CSF2RA: variants seen among roughly 807,000 people sequenced by gnomAD.
CSF2RA encodes the protein colony stimulating factor 2 receptor subunit alpha.
A neutral mutation model predicts 51.6 loss-of-function variants in CSF2RA; 42 were observed. That is an observed-to-expected ratio of 0.81 (90% CI 0.64 to 1.05). The LOEUF is 1.05. Ranked by LOEUF, CSF2RA falls within the 50% of genes least tolerant of loss-of-function variation. CSF2RA has a pLI of 0.00. For missense variants in CSF2RA, 530 were observed against 501.1 expected, an observed-to-expected ratio of 1.06 and a Z score of -0.55; for synonymous variants, 222 against 193.0, an observed-to-expected ratio of 1.15 and a Z score of -1.24.
intron 2 of CSF2RA, 63 bp from the exon 3 acceptor site, chrX:1,282,615 C>T (rs771552440): frequency 1.7e-6 from 2 of 1,205,584 alleles, no homozygotes; most frequent in Admixed American, 1.7e-5. Context: ...TCCCTGGGGT[C>T]CCCTGCCAGG....
rs767398156 is a variant in CSF2RA at position 1,294,475 on chromosome X, C to T, written c.780+14C>T. On this transcript the variant is annotated intron_variant, in intron 8 of 12. Coordinates refer to ENST00000381529, the MANE Select transcript of CSF2RA (RefSeq NM_172245.4). ...GTCCACAGAAAGGTCGGTGAGAGCT[C>T]CCCGGGGCTGGGCACCAGGAGGGAG... 8.1e-6 allele frequency: 13 copies of T among 1,608,346 alleles called. No individual in the cohort carries two copies. In the Admixed American group the frequency reaches 1.0e-4, roughly 12 times the overall value.
downstream of CSF2RA, among the ~76,000 whole-genome samples, chrX:1,314,908 C>G (rs1357683712): frequency 2.1e-3 from 145 of 69,374 alleles, 13 homozygotes; most frequent in African/African-American, 8.0e-3. Flanking sequence ...CTGCTCAACC[C>G]CACTTCACCT....
At chrX:1,287,545 G>A (rs1461656115) in intron 4 of CSF2RA, among the ~76,000 whole-genome samples, 1 of 149,794 alleles carries the variant, frequency 6.7e-6, no homozygotes, top group Non-Finnish European at 1.5e-5. Flanking sequence ...CTGGGTTCAA[G>A]AGATTCTCCT....
At chrX:1,288,989 T>C in intron 6 of CSF2RA, 101 bp downstream of exon 6, 3 of 1,518,916 alleles carry the variant, frequency 2.0e-6, no homozygotes, top group Non-Finnish European at 1.8e-6. Context: ...TAAGACATGG[T>C]CTTGCTCTGT....
At chrX:1,314,889 A>ACTGCACCTGCCCAATCC (rs2084474784), downstream of CSF2RA, among the ~76,000 whole-genome samples, 2 of 17,450 alleles carry the variant, frequency 1.1e-4, no homozygotes, top group Non-Finnish European at 2.7e-4. Flanking sequence ...CTGCCCAACC[A>ACTGCACCTGCCCAATCC]CACTGAACCT....
At chrX:1,325,108 C>A in the CSF2RA span, among the ~76,000 whole-genome samples, 1 of 151,502 alleles carries the variant, frequency 6.6e-6, no homozygotes, top group East Asian at 2.0e-4. Context: ...CGCCTGTCAT[C>A]CCAGCACTTT....
chrX:1,323,780 A>C, the CSF2RA span, among the ~76,000 whole-genome samples: 140,129 of 151,490 alleles, frequency 0.93, 65,052 homozygotes, highest in East Asian at 0.98. Context: ...TTTGGGAGGC[A>C]GAGGCGGGCA....
intron 2 of CSF2RA, among the ~76,000 whole-genome samples, chrX:1,278,246 T>C (rs1226882564): frequency 6.7e-6 from 1 of 148,494 alleles, no homozygotes; most frequent in Non-Finnish European, 1.5e-5. Context: ...GGCAGTAGAA[T>C]TGCTTCAACT....
chrX:1,289,024 C>G, intron 6 of CSF2RA, 136 bp downstream of exon 6: 1 of 1,198,210 alleles, frequency 8.3e-7, no homozygotes, highest in Non-Finnish European at 1.2e-6. Context: ...TGCAATGGTG[C>G]CACCTCGGCT....
downstream of CSF2RA, among the ~76,000 whole-genome samples, chrX:1,314,268 C>CATCT (rs1569514710): frequency 1.0e-4 from 5 of 47,632 alleles, no homozygotes; most frequent in Admixed American, 4.8e-4. Context: ...AACCCCACTG[C>CATCT]GCCTGCCCAA....
At chrX:1,321,361 C>T in the CSF2RA span, among the ~76,000 whole-genome samples, 14 of 151,876 alleles carry the variant, frequency 9.2e-5, no homozygotes, top group South Asian at 2.1e-4. Context: ...CCCAGCTACT[C>T]GGGAGGCTGA....
At chrX:1,288,033 G>T (rs185307281) in intron 4 of CSF2RA, among the ~76,000 whole-genome samples, 68 of 152,010 alleles carry the variant, frequency 4.5e-4, no homozygotes, top group African/African-American at 1.6e-3. Context: ...CACGGCACCT[G>T]GCCTCTAGTC....
At chrX:1,310,862 A>C (rs2084147891), downstream of CSF2RA, among the ~76,000 whole-genome samples, 1 of 151,914 alleles carries the variant, frequency 6.6e-6, no homozygotes, top group Admixed American at 6.6e-5. Flanking sequence ...TTGAATGAAG[A>C]GGGGGCGGAC....
chrX:1,281,124 C>T (rs1285174627), intron 2 of CSF2RA, among the ~76,000 whole-genome samples: 38 of 110,076 alleles, frequency 3.5e-4, no homozygotes, highest in African/African-American at 1.3e-3. Context: ...TCCTCCTCCT[C>T]CTCCTCCTGC....
At chrX:1,314,948 T>A (rs190010384), downstream of CSF2RA, among the ~76,000 whole-genome samples, 199 of 34,908 alleles carry the variant, frequency 5.7e-3, 14 homozygotes, top group South Asian at 0.014. Context: ...GCCCAACCCC[T>A]CTGTGCCTGC....
intron 4 of CSF2RA, among the ~76,000 whole-genome samples, chrX:1,288,171 C>T (rs1449646661): frequency 6.6e-5 from 10 of 151,752 alleles, no homozygotes; most frequent in African/African-American, 1.9e-4. Flanking sequence ...AGGTGCGTGT[C>T]GCCAAATCCA....
intron 2 of CSF2RA, among the ~76,000 whole-genome samples, chrX:1,275,023 T>C (rs778415346): frequency 6.8e-6 from 1 of 146,452 alleles, no homozygotes; most frequent in African/African-American, 2.5e-5. Flanking sequence ...CACATCCTCC[T>C]GAAGCAGCGT....
At chrX:1,280,412 A>G (rs2089743430) in intron 2 of CSF2RA, among the ~76,000 whole-genome samples, 2 of 150,220 alleles carry the variant, frequency 1.3e-5, no homozygotes, top group Non-Finnish European at 3.0e-5. Flanking sequence ...CGGAGGTTGC[A>G]GTGAGCCAAG....
intron 2 of CSF2RA, among the ~76,000 whole-genome samples, chrX:1,276,869 G>C (rs1327561677): frequency 3.9e-5 from 6 of 151,982 alleles, no homozygotes; most frequent in African/African-American, 4.8e-5. Flanking sequence ...GGGAGGCCGA[G>C]GCAGGTGGAT....
Sources: allele counts gnomAD v4.1 joint callset (sites outside exome capture counted in the v4.1 genomes callset), GRCh38; gene constraint gnomAD v4.1.1; transcripts MANE v1.5; gene names NCBI Gene and HGNC (gene_info 2026-07-23, HGNC 2026-07-21).